MAML3: variants seen among roughly 807,000 people sequenced by gnomAD.
The protein encoded by MAML3 is mastermind like transcriptional coactivator 3.
A neutral mutation model predicts 101.9 loss-of-function variants in MAML3; 27 were observed. The ratio of observed to expected loss-of-function variants is 0.27; its 90% confidence interval spans 0.20 to 0.37. The LOEUF (loss-of-function observed/expected upper bound fraction) is 0.37. Among genes scored for constraint, MAML3 ranks in the 10% least tolerant of loss-of-function variants. MAML3 has a pLI of 1.00. For missense variants in MAML3, 1,316 were observed against 1,444.9 expected, an observed-to-expected ratio of 0.91 and a Z score of 1.45; for synonymous variants, 501 against 555.9, an observed-to-expected ratio of 0.90 and a Z score of 1.39.
intron 2 of MAML3, among the ~76,000 whole-genome samples, chr4:139,796,148 T>G (rs1486524558): frequency 6.6e-6 from 1 of 152,222 alleles, no homozygotes; most frequent in Non-Finnish European, 1.5e-5. Flanking sequence ...AAGGATAAGA[T>G]CTGTCTCTGA....
At chr4:140,128,619 C>T (rs1220567554) in intron 1 of MAML3, among the ~76,000 whole-genome samples, 3 of 152,122 alleles carry the variant, frequency 2.0e-5, no homozygotes, top group Admixed American at 6.5e-5. Flanking sequence ...AAAGGGTGCA[C>T]CCACACAGGC....
chr4:140,015,189 A>T (rs1245354772), intron 1 of MAML3, among the ~76,000 whole-genome samples: 2 of 152,174 alleles, frequency 1.3e-5, no homozygotes, highest in Non-Finnish European at 2.9e-5. Context: ...CAATTACAAC[A>T]CAGAAGTATT....
At chr4:139,864,923 C>CTTTTTTT (rs56361332) in intron 2 of MAML3, among the ~76,000 whole-genome samples, 6 of 62,460 alleles carry the variant, frequency 9.6e-5, no homozygotes, top group Admixed American at 2.4e-4. Context: ...TGCAAACTTG[C>CTTTTTTT]TTTTTTTTTT....
chr4:139,850,746 G>A (rs1456555212), intron 2 of MAML3, among the ~76,000 whole-genome samples: 3 of 151,970 alleles, frequency 2.0e-5, no homozygotes, highest in Non-Finnish European at 4.4e-5. Context: ...GTTTCACCAT[G>A]TTACTGAGGC....
At chr4:140,039,313 C>A (rs1175273083) in intron 1 of MAML3, among the ~76,000 whole-genome samples, 3 of 152,100 alleles carry the variant, frequency 2.0e-5, no homozygotes, top group Non-Finnish European at 4.4e-5. Context: ...CCCAACCTGT[C>A]TGCTGGACTG....
At chr4:139,767,305 T>G (rs1246567813) in intron 2 of MAML3, among the ~76,000 whole-genome samples, 1 of 152,218 alleles carries the variant, frequency 6.6e-6, no homozygotes, top group East Asian at 1.9e-4. Flanking sequence ...AACCTCAAAT[T>G]GTGAGGGCCA....
intron 1 of MAML3, among the ~76,000 whole-genome samples, chr4:140,009,014 A>G (rs1726502905): frequency 6.6e-6 from 1 of 152,192 alleles, no homozygotes; most frequent in African/African-American, 2.4e-5. Context: ...AAATTCCAAT[A>G]CCTTTTAAAC....
At chr4:140,098,500 C>G (rs955707051) in intron 1 of MAML3, among the ~76,000 whole-genome samples, 2 of 152,210 alleles carry the variant, frequency 1.3e-5, no homozygotes, top group African/African-American at 4.8e-5. Context: ...CCTCACCAAC[C>G]AAAGGGAGAA....
chr4:139,998,733 C>T (rs1297465243), intron 1 of MAML3, among the ~76,000 whole-genome samples: 2 of 152,076 alleles, frequency 1.3e-5, no homozygotes, highest in Admixed American at 6.5e-5. Context: ...AAAGTTGTTG[C>T]TTCTGTTTTT....
intron 2 of MAML3, among the ~76,000 whole-genome samples, chr4:139,771,328 A>G (rs966864375): frequency 6.6e-6 from 1 of 152,220 alleles, no homozygotes; most frequent in Non-Finnish European, 1.5e-5. Flanking sequence ...CATCCTGTAT[A>G]TCTAAGGACC....
At chr4:140,088,027 G>C (rs1283089504) in intron 1 of MAML3, among the ~76,000 whole-genome samples, 1 of 152,096 alleles carries the variant, frequency 6.6e-6, no homozygotes, top group Non-Finnish European at 1.5e-5. Flanking sequence ...CCAGGAGCTC[G>C]AGATCAGCTT....
intron 2 of MAML3, among the ~76,000 whole-genome samples, chr4:139,885,767 C>CA (rs372757658): frequency 0.028 from 3,746 of 131,608 alleles, 150 homozygotes; most frequent in African/African-American, 0.095. Flanking sequence ...ACTAAACATA[C>CA]AAAAAAAAAA....
At chr4:140,079,477 A>G (rs1727830884) in intron 1 of MAML3, among the ~76,000 whole-genome samples, 1 of 152,060 alleles carries the variant, frequency 6.6e-6, no homozygotes, top group African/African-American at 2.4e-5. Context: ...TATTTCTAGT[A>G]GATATGGAGT....
chr4:139,837,638 G>C (rs994136262), intron 2 of MAML3, among the ~76,000 whole-genome samples: 6 of 151,952 alleles, frequency 3.9e-5, no homozygotes, highest in African/African-American at 1.4e-4. Flanking sequence ...TATAAGGATA[G>C]GCCAGGCACT....
intron 2 of MAML3, among the ~76,000 whole-genome samples, chr4:139,856,991 G>A (rs1180044055): frequency 2.6e-5 from 4 of 152,066 alleles, no homozygotes; most frequent in Admixed American, 1.3e-4. Flanking sequence ...AAAAAGTCAC[G>A]AAAACAAAAC....
intron 2 of MAML3, among the ~76,000 whole-genome samples, chr4:139,885,853 A>G (rs1305445248): frequency 1.4e-5 from 2 of 145,338 alleles, no homozygotes; most frequent in African/African-American, 5.0e-5. Flanking sequence ...GAATGGCGTG[A>G]ACCCGGGAGG....
Position 139,939,911 on chromosome 4 carries a change from C to G in MAML3, c.469-48944G>C, listed in dbSNP as rs866016440. 3.9e-5 allele frequency among the ~76,000 whole-genome samples: 6 copies of G among 152,056 alleles called. No homozygotes were observed. The Middle Eastern group carries it at 0.017, about 431-fold the overall frequency. The stretch of plus-strand genomic sequence containing the variant: ...TCCTGAATAGCTGGGATTACAGGCG[C>G]CCGCCACCACACCCAGCTAATTTTT... On this transcript the variant is annotated intron_variant, in intron 1 of 4. Transcript: ENST00000509479.
At chr4:139,931,847 TAA>T (rs558806703) in intron 1 of MAML3, among the ~76,000 whole-genome samples, 7 of 135,060 alleles carry the variant, frequency 5.2e-5, no homozygotes, top group African/African-American at 8.4e-5. Flanking sequence ...CCGTCTCTAC[TAA>T]AAAAAAAAAA....
Position 139,749,945 on chromosome 4 carries a change from A to AT in MAML3, c.2080-19279dup, listed in dbSNP as rs578017102. Reference sequence around the variant, plus strand: ...CATGTTATTTGAAATCAACTTAAGAATAAGAAAAGAGATGGCAAGGAACAG... The same window carrying AT: ...CATGTTATTTGAAATCAACTTAAGAATTAAGAAAAGAGATGGCAAGGAACAG... On this transcript the variant is annotated intron_variant, in intron 2 of 4. Coordinates refer to ENST00000509479, the MANE Select transcript of MAML3 (RefSeq NM_018717.5). Among the ~76,000 whole-genome samples the AT allele has an allele frequency of 2.1e-4, 32 of 149,378 alleles. 1 individual carries two copies. The East Asian group carries it at 6.4e-3, about 30-fold the overall frequency.
Sources: gnomAD v4.1 joint callset for allele counts (sites outside exome capture counted in the v4.1 genomes callset) on GRCh38, gnomAD v4.1.1 for gene constraint, MANE v1.5 for transcripts, NCBI Gene and HGNC (gene_info 2026-07-23, HGNC 2026-07-21) for gene names.